The following PRPS2 variants were observed in gnomAD, a reference collection of about 807,000 sequenced individuals.
PRPS2 encodes the protein ribose-phosphate pyrophosphokinase 2.
For synonymous variants in PRPS2, 111 were observed against 115.3 expected, an observed-to-expected ratio of 0.96 and a Z score of 0.24; for missense variants, 104 against 271.5, an observed-to-expected ratio of 0.38 and a Z score of 4.34.
chrX:12,809,290 G>T lies in PRPS2; in HGVS notation c.363G>T (p.Ala121=). The T allele has an allele frequency of 8.3e-7, 1 of 1,210,056 alleles. No individual in the cohort carries two copies. The highest frequency in any genetic ancestry group is 1.1e-6 in the Non-Finnish European group (1 of 894,998). The change falls in exon 3 of 7, where the codon GCG becomes GCT. Residue 121 remains alanine, a synonymous_variant. Transcript: ENST00000380668. ...LVANMLSVAG[A]DHIITMDLHA... is the part of the protein sequence containing the mutation. Reference sequence around the variant, plus strand: ...CCAATATGCTGTCGGTGGCTGGGGCGGATCACATCATCACCATGGACCTGC... The same window carrying T: ...CCAATATGCTGTCGGTGGCTGGGGCTGATCACATCATCACCATGGACCTGC...
At chrX:12,820,994 G>A (rs975527420) in intron 6 of PRPS2, among the ~76,000 whole-genome samples, 191 bp downstream of exon 6, 2 of 112,001 alleles carry the variant, frequency 1.8e-5, no homozygotes, top group African/African-American at 3.3e-5. Context: ...AGAGGTCAAC[G>A]TTCGCTATTT....
chrX:12,822,932 T>C lies in PRPS2; in HGVS notation c.*136T>C. 2 of 474,365 alleles carry C rather than the reference T, an allele frequency of 4.2e-6. No individual in the cohort carries two copies. Among genetic ancestry groups the C allele is most frequent in the Admixed American group, 7.8e-5 (2 of 25,673 alleles). The allele number at this position is 474,365 out of a possible 1,213,427, so 39.1% of individuals were successfully genotyped here. A position where few individuals can be genotyped will look rare whatever the true frequency, so the allele number is the denominator to read the frequency against. On this transcript the variant is annotated 3_prime_UTR_variant, in exon 7 of 7. Coordinates refer to ENST00000380668, the MANE Select transcript of PRPS2 (RefSeq NM_002765.5). ...CATCAGATCTTTGTATATGCTAAGA[T>C]TTATTGTTTCCCCTTCTAAAGCTCA...
At chrX:12,822,521 G>A (rs190592859) in intron 6 of PRPS2, among the ~76,000 whole-genome samples, 183 bp from the exon 7 acceptor site, 47 of 112,463 alleles carry the variant, frequency 4.2e-4, no homozygotes, top group Middle Eastern at 4.6e-3. Context: ...GGTTCAACGG[G>A]TTGTAATTTG....
At chrX:12,807,921 G>A (rs1191310725) in intron 2 of PRPS2, among the ~76,000 whole-genome samples, 1 of 94,656 alleles carries the variant, frequency 1.1e-5, no homozygotes, top group African/African-American at 4.1e-5. Context: ...AGGCTGGAGT[G>A]CAGTAGTGCC....
chrX:12,814,991 A>G (rs2042640430), intron 4 of PRPS2, among the ~76,000 whole-genome samples: 1 of 111,617 alleles, frequency 9.0e-6, no homozygotes, highest in Non-Finnish European at 1.9e-5. Context: ...CCAAAACTGT[A>G]TGTATATAAT....
rs150822864 is a variant in PRPS2 at position 12,819,630 on chromosome X, C to T, written c.654C>T (p.Leu218=). The part of the protein sequence containing the change: ...VGDVKDRVAI[L]VDDMADTCGT... ...ACGTGAAGGACCGTGTGGCCATCCT[C>T]GTGGATGACATGGCTGACACTTGCG... The change falls in exon 5 of 7, where the codon CTC becomes CTT. Residue 218 remains leucine (L), a synonymous_variant. Coordinates refer to ENST00000380668, the MANE Select transcript of PRPS2 (RefSeq NM_002765.5). 2.2e-5 allele frequency: 27 copies of T among 1,209,913 alleles called. No homozygotes were observed. In the Admixed American group the frequency reaches 3.9e-4, roughly 18 times the overall value.
At chrX:12,822,581 A>G in intron 6 of PRPS2, 123 bp from the exon 7 acceptor site, 1 of 639,908 alleles carries the variant, frequency 1.6e-6, no homozygotes, top group East Asian at 3.3e-5. Flanking sequence ...GGAAGTTTTG[A>G]TAGCAACACA....
Position 12,819,639 on chromosome X carries a change from C to T in PRPS2, c.663C>T (p.Asp221=), listed in dbSNP as rs1467020828. 5 of 1,210,018 alleles carry T rather than the reference C, an allele frequency of 4.1e-6. No homozygotes were observed. The Admixed American group carries it at 8.7e-5, about 21-fold the overall frequency. The part of the protein sequence containing the change: ...VKDRVAILVD[D]MADTCGTICH... ...ACCGTGTGGCCATCCTCGTGGATGACATGGCTGACACTTGCGGCACCATCT... is the reference window on the plus strand; with the variant it reads ...ACCGTGTGGCCATCCTCGTGGATGATATGGCTGACACTTGCGGCACCATCT... Residue 221 remains aspartate (D), a synonymous_variant, in exon 5 of 7, where the codon GAC becomes GAT. Coordinates refer to ENST00000380668, the MANE Select transcript of PRPS2 (RefSeq NM_002765.5).
chrX:12,808,157 G>A (rs748643734), intron 2 of PRPS2, among the ~76,000 whole-genome samples: 4 of 111,099 alleles, frequency 3.6e-5, no homozygotes, highest in Admixed American at 2.9e-4. Context: ...GTGAGCCACC[G>A]CGCCCCATAT....
intron 4 of PRPS2, among the ~76,000 whole-genome samples, chrX:12,813,799 CAT>C (rs1355930314): frequency 8.9e-6 from 1 of 111,923 alleles, no homozygotes; most frequent in East Asian, 2.8e-4. Context: ...AGCTGTTTCT[CAT>C]GTGTGTTGCA....
chrX:12,821,803 C>T (rs2042677715), intron 6 of PRPS2, among the ~76,000 whole-genome samples: 1 of 111,977 alleles, frequency 8.9e-6, no homozygotes, highest in Non-Finnish European at 1.9e-5. Flanking sequence ...GATTGGATGC[C>T]GACGGGCCAG....
chrX:12,813,152 C>T (rs1435410245), intron 4 of PRPS2, among the ~76,000 whole-genome samples: 5 of 112,089 alleles, frequency 4.5e-5, no homozygotes, highest in Non-Finnish European at 3.8e-5. Flanking sequence ...GTTATTTAAG[C>T]GTATATCTGC....
chrX:12,807,345 T>G (rs748733605), intron 2 of PRPS2, among the ~76,000 whole-genome samples: 1 of 112,542 alleles, frequency 8.9e-6, no homozygotes, highest in East Asian at 2.8e-4. Flanking sequence ...CCCCACTTCT[T>G]AATCCTATCA....
chrX:12,796,707 A>G (rs2042545534), intron 1 of PRPS2, among the ~76,000 whole-genome samples: 1 of 111,274 alleles, frequency 9.0e-6, no homozygotes, highest in Non-Finnish European at 1.9e-5. Context: ...AAATCAGGCA[A>G]TCCAAAACCA....
intron 6 of PRPS2, among the ~76,000 whole-genome samples, chrX:12,821,843 T>C (rs1178484284): frequency 2.7e-5 from 3 of 112,100 alleles, no homozygotes; most frequent in Non-Finnish European, 5.6e-5. Context: ...TAGATAGCAA[T>C]TGGCCTGAAA....
At chrX:12,814,067 C>A (rs1173995488) in intron 4 of PRPS2, among the ~76,000 whole-genome samples, 1 of 31,133 alleles carries the variant, frequency 3.2e-5, no homozygotes, top group East Asian at 2.3e-3. Context: ...CCAGCCCCCC[C>A]ACCCCCGACT....
intron 2 of PRPS2, among the ~76,000 whole-genome samples, chrX:12,805,398 C>T (rs1041721786): frequency 1.8e-5 from 2 of 111,949 alleles, no homozygotes; most frequent in African/African-American, 3.3e-5. Context: ...TATTATGATA[C>T]ATGAGTGGGC....
intron 2 of PRPS2, among the ~76,000 whole-genome samples, chrX:12,801,781 G>A (rs1356166699): frequency 1.8e-5 from 2 of 111,732 alleles, no homozygotes; most frequent in Non-Finnish European, 1.9e-5. Context: ...GCTAATTTTT[G>A]TATTTTTGGT....
chrX:12,821,993 C>G (rs776443324), intron 6 of PRPS2, among the ~76,000 whole-genome samples: 1 of 93,109 alleles, frequency 1.1e-5, no homozygotes, highest in South Asian at 5.0e-4. Context: ...ATTTCTGATT[C>G]CTCAGAGAGA....
Sources: gnomAD v4.1 joint callset for allele counts (sites outside exome capture counted in the v4.1 genomes callset) on GRCh38, gnomAD v4.1.1 for gene constraint, MANE v1.5 for transcripts, NCBI Gene and HGNC (gene_info 2026-07-23, HGNC 2026-07-21) for gene names.